Variants in TLR1 observed in about 807,000 individuals in gnomAD.
The protein encoded by TLR1 is toll-like receptor 1.
Under a neutral mutation model 20.2 loss-of-function variants are expected in TLR1, and 19 were observed. That is an observed-to-expected ratio of 0.94 (90% confidence interval 0.66 to 1.38). The LOEUF (loss-of-function observed/expected upper bound fraction) is 1.38, where lower values mean the gene tolerates loss of function less well. Ranked by LOEUF, TLR1 falls within the 40% of genes most tolerant of loss-of-function variation. The probability of loss-of-function intolerance (pLI) is 0.00; values close to 1 mark genes in which losing one functional copy is unlikely to be tolerated. For synonymous variants in TLR1, 320 were observed against 334.5 expected (o/e 0.96, Z 0.47); for missense variants, 921 against 910.0 (o/e 1.01, Z -0.16).
At chr4:38,800,325 T>A (rs1326842913) in intron 3 of TLR1, 1 of 152,194 alleles carries the variant, frequency 6.6e-6, no homozygotes, top group African/African-American at 2.4e-5. Context: ...GAGTTGGGAT[T>A]CTATTCCAAA....
intron 2 of TLR1, among the ~76,000 whole-genome samples, chr4:38,802,607 G>A (rs187263721): frequency 9.8e-5 from 15 of 152,342 alleles, no homozygotes. Context: ...CCAAGTAATA[G>A]GTTAAACTGG....
At chr4:38,792,239 C>G (rs73236617), downstream of TLR1, among the ~76,000 whole-genome samples, 21,916 of 152,130 alleles carry the variant, frequency 0.14, 2,152 homozygotes, top group East Asian at 0.38. Context: ...TTTATTTATT[C>G]TCTATTGTTC....
downstream of TLR1, among the ~76,000 whole-genome samples, chr4:38,795,677 C>T (rs1191031803): frequency 6.6e-6 from 1 of 151,898 alleles, no homozygotes; most frequent in Non-Finnish European, 1.5e-5. Context: ...TATTCAGTGG[C>T]AAGTAGTTTA....
Position 38,804,398 on chromosome 4 carries a change from A to G in TLR1, c.-236-16T>C, listed in dbSNP as rs5743563. 0.15 allele frequency: 22,238 copies of G among 152,290 alleles called. 2,243 individuals are homozygous for G. The highest frequency in any genetic ancestry group is 0.4 in the East Asian group (2,079 of 5,170). 9.4% of individuals were successfully genotyped at this position (152,290 alleles called of 1,614,324 possible). A position where few individuals can be genotyped will look rare whatever the true frequency, so the allele number is the denominator to read the frequency against. ...TTCTTTAACACTGAGAAGAGAATAC[A>G]AATGGCGGGATTAGGTGAAGAGAAA... On this transcript the variant is annotated splice_polypyrimidine_tract_variant and intron_variant, in intron 1 of 3. Coordinates refer to ENST00000308979, the MANE Select transcript of TLR1 (RefSeq NM_003263.4).
Position 38,797,751 on chromosome 4 carries a change from T to A in TLR1, c.1081A>T (p.Thr361Ser), listed in dbSNP as rs189308820. Residue 361 changes from threonine to serine, a missense_variant, in exon 4 of 4, where the codon ACA (threonine) becomes TCA (serine). Physicochemically the swap from Thr to Ser is moderately conservative, Grantham distance 58 (BLOSUM62 1). Transcript: ENST00000308979. ...LHLDFSNNLLTDTVFENCGHL... is the reference protein window; with the variant it reads ...LHLDFSNNLLSDTVFENCGHL... ...CCACAATTTTCAAAAACCGTGTCTGTTAAGAGATTATTGGAAAAATCCAAA... is the reference window on the plus strand; with the variant it reads ...CCACAATTTTCAAAAACCGTGTCTGATAAGAGATTATTGGAAAAATCCAAA... 1 of 1,614,084 alleles carries A rather than the reference T, an allele frequency of 6.2e-7. No individual in the cohort carries two copies. The highest frequency in any genetic ancestry group is 8.5e-7 in the Non-Finnish European group (1 of 1,180,000).
At chr4:38,799,345 G>A (rs1726470883) in intron 3 of TLR1, among the ~76,000 whole-genome samples, 1 of 152,158 alleles carries the variant, frequency 6.6e-6, no homozygotes, top group African/African-American at 2.4e-5. Flanking sequence ...AAGAGAAGAG[G>A]CAATTGAGAC....
chr4:38,797,509 T>G lies in TLR1; in HGVS notation c.1323A>C (p.Arg441Ser). Residue 441 changes from arginine (R) to serine (S), a missense_variant, in exon 4 of 4, where the codon AGA becomes AGC. Transcript: ENST00000308979. Reference protein sequence around the residue: ...SSNILTDTIFRCLPPRIKVLD... With the variant: ...SSNILTDTIFSCLPPRIKVLD... Reference sequence around the variant, plus strand: ...GTACCTTGATCCTGGGAGGTAAACATCTGAAAATAGTGTCAGTAAGTATAT... The same window carrying G: ...GTACCTTGATCCTGGGAGGTAAACAGCTGAAAATAGTGTCAGTAAGTATAT... The G allele has an allele frequency of 6.2e-7, 1 of 1,614,182 alleles. No homozygotes were observed. Among genetic ancestry groups the G allele is most frequent in the Non-Finnish European group, 8.5e-7 (1 of 1,180,042 alleles).
In TLR1 at chr4:38,796,672, A is replaced by G. The variant is rs956021377; in HGVS notation, c.2160T>C (p.His720=). ...ELYFAHHNLF[H]EGSNSLILIL... ...TCAGGATTAAGCTATTAGATCCTTC[A>G]TGAAAGAGATTGTGATGGGCAAAGT... Residue 720 remains histidine, a synonymous_variant, in exon 4 of 4, where the codon CAT becomes CAC. Transcript: ENST00000308979. 4 of 1,614,126 alleles carry G rather than the reference A, an allele frequency of 2.5e-6. No homozygotes were observed. The African/African-American group carries it at 4.0e-5, about 16-fold the overall frequency.
chr4:38,800,744 A>G (rs1269857166), intron 3 of TLR1, 113 bp downstream of exon 3: 1 of 152,654 alleles, frequency 6.6e-6, no homozygotes. Flanking sequence ...CCATATCTCA[A>G]TGAGCACAGA....
intron 2 of TLR1, among the ~76,000 whole-genome samples, chr4:38,803,867 G>A (rs1683447548): frequency 6.6e-6 from 1 of 152,194 alleles, no homozygotes; most frequent in Admixed American, 6.5e-5. Context: ...GATAGGTTTA[G>A]CCTCACATTA....
chr4:38,790,331 G>T (rs980039238), downstream of TLR1, among the ~76,000 whole-genome samples: 2 of 152,234 alleles, frequency 1.3e-5, no homozygotes, highest in African/African-American at 4.8e-5. Context: ...CCTCATATTT[G>T]ATTGACTGTT....
Position 38,797,683 on chromosome 4 carries a change from T to A in TLR1, c.1149A>T (p.Gln383His). The change falls in exon 4 of 4, where the codon CAA becomes CAT. Residue 383 changes from glutamine (Q) to histidine (H), a missense_variant. Transcript: ENST00000308979. ...CAGCTATTTTTGAAAGTTCTTTTAA[T>A]TGATTCATTTGTAAAATAAGTGTCT... The part of the protein sequence containing the change: ...ELETLILQMN[Q>H]LKELSKIAEM... 1.2e-6 allele frequency: 2 copies of A among 1,613,984 alleles called. No homozygotes were observed. The highest frequency in any genetic ancestry group is 1.7e-6 in the Non-Finnish European group (2 of 1,179,984).
downstream of TLR1, among the ~76,000 whole-genome samples, chr4:38,789,059 C>T (rs1725660578): frequency 6.6e-6 from 1 of 152,136 alleles, no homozygotes; most frequent in Non-Finnish European, 1.5e-5. Flanking sequence ...GTAGTAAATA[C>T]TCAGAACTCA....
At position 38,796,634 on chromosome 4, in the gene TLR1, G is replaced by A. The variant is rs5743621; in HGVS notation, c.2198C>T (p.Pro733Leu). Residue 733 changes from proline (P) to leucine (L), a missense_variant, in exon 4 of 4, where the codon CCC becomes CTC. Transcript: ENST00000308979. ...GCTAGGAATGGAGTACTGCGGAATG[G>A]GTTCCAGCAAGATCAGGATTAAGCT... ...SNSLILILLE[P>L]IPQYSIPSSY... 2.4e-3 allele frequency: 3,947 copies of A among 1,614,154 alleles called. 30 individuals are homozygous for A. Among genetic ancestry groups the A allele is most frequent in the African/African-American group, 0.021 (1,604 of 75,010 alleles).
chr4:38,790,647 T>A (rs1046117498), downstream of TLR1: 1 of 151,742 alleles, frequency 6.6e-6, no homozygotes, highest in African/African-American at 2.4e-5. Flanking sequence ...ATTATTATTA[T>A]TTTTTTTGAT....
In TLR1 at chr4:38,796,366, C is replaced by G; in HGVS notation, c.*105G>C. ...TATATATTTTTACCTACATCATACACTCACAATTGTGTTTACATCTATGCT... is the reference window on the plus strand; with the variant it reads ...TATATATTTTTACCTACATCATACAGTCACAATTGTGTTTACATCTATGCT... On this transcript the variant is annotated 3_prime_UTR_variant, in exon 4 of 4. Transcript: ENST00000308979. The G allele has an allele frequency of 3.1e-6, 4 of 1,294,610 alleles. No homozygotes were observed. Among genetic ancestry groups the G allele is most frequent in the Non-Finnish European group, 4.3e-6 (4 of 940,214 alleles). 80.2% of individuals were successfully genotyped at this position (1,294,610 alleles called of 1,614,324 possible). A position where few individuals can be genotyped will look rare whatever the true frequency, so the allele number is the denominator to read the frequency against.
rs144775976 is a variant in TLR1 at position 38,796,974 on chromosome 4, G to T, written c.1858C>A (p.Arg620=). 78 of 1,614,186 alleles carry T rather than the reference G, an allele frequency of 4.8e-5. No homozygotes were observed. The African/African-American group carries it at 6.9e-4, about 14-fold the overall frequency. ...LRMVCQWTQT[R]RRARNIPLEE... ...AAGGGTATGTTCCTGGCCCTGCGCC[G>T]GGTCTGGGTCCACTGGCACACCATC... The change falls in exon 4 of 4, where the codon CGG becomes AGG. Residue 620 remains arginine (R), a synonymous_variant. Transcript: ENST00000308979.
upstream of TLR1, chr4:38,805,058 T>G (rs1354071338): frequency 6.6e-6 from 1 of 152,222 alleles, no homozygotes; most frequent in African/African-American, 2.4e-5. Context: ...ATGAAGTAAA[T>G]GAGGTAATGT....
intron 3 of TLR1, chr4:38,800,391 C>T (rs1349707617): frequency 6.6e-6 from 1 of 152,228 alleles, no homozygotes; most frequent in African/African-American, 2.4e-5. Context: ...TTGTTTCCTC[C>T]TCTCTCTTAT....
Sources: allele counts gnomAD v4.1 joint callset (sites outside exome capture counted in the v4.1 genomes callset), GRCh38; gene constraint gnomAD v4.1.1; transcripts MANE v1.5; gene names NCBI Gene and HGNC (gene_info 2026-07-23, HGNC 2026-07-21).